SUSD4: variants seen among roughly 807,000 people sequenced by gnomAD.
SUSD4 encodes the protein sushi domain-containing protein 4.
SUSD4 carries 41 observed loss-of-function variants against 50.5 expected under a neutral mutation model. That is an observed-to-expected ratio of 0.81 (90% confidence interval 0.63 to 1.05). SUSD4 has a LOEUF of 1.05. Among genes scored for constraint, SUSD4 ranks in the 50% least tolerant of loss-of-function variants. The pLI is 0.00. For synonymous variants in SUSD4, 257 were observed against 257.3 expected, an observed-to-expected ratio of 1.00 and a Z score of 0.01; for missense variants, 580 against 634.7, an observed-to-expected ratio of 0.91 and a Z score of 0.93.
At chr1:223,224,697 C>A (rs1360721058) in intron 7 of SUSD4, among the ~76,000 whole-genome samples, 1 of 152,112 alleles carries the variant, frequency 6.6e-6, no homozygotes, top group Admixed American at 6.5e-5. Flanking sequence ...CAGTTCCTGG[C>A]CTGCTCCCTT....
intron 2 of SUSD4, among the ~76,000 whole-genome samples, chr1:223,301,657 T>TA (rs1485214029): frequency 6.6e-6 from 1 of 152,172 alleles, no homozygotes; most frequent in Non-Finnish European, 1.5e-5. Flanking sequence ...ACCCAACTGT[T>TA]AAAATATCTC....
chr1:223,264,090 C>T, intron 5 of SUSD4: 1 of 985,386 alleles, frequency 1.0e-6, no homozygotes, highest in Non-Finnish European at 1.2e-6. Flanking sequence ...CTGTCCTTCT[C>T]ACTACTTCAT....
intron 2 of SUSD4, 105 bp downstream of exon 2, chr1:223,363,173 G>T: frequency 1.5e-6 from 2 of 1,291,938 alleles, no homozygotes; most frequent in African/African-American, 1.5e-5. Context: ...AGATCCTCCT[G>T]AAGTCTGGGT....
At chr1:223,357,102 G>C (rs980461668) in intron 2 of SUSD4, among the ~76,000 whole-genome samples, 5 of 152,166 alleles carry the variant, frequency 3.3e-5, no homozygotes, top group African/African-American at 1.2e-4. Flanking sequence ...TAAGAGTCAA[G>C]CACAACCCAT....
chr1:223,351,199 G>A (rs752153364), intron 2 of SUSD4, among the ~76,000 whole-genome samples: 91 of 152,230 alleles, frequency 6.0e-4, no homozygotes, highest in Non-Finnish European at 1.1e-3. Flanking sequence ...AGTCCCCCCG[G>A]ATTGCCACAT....
chr1:223,328,027 CA>C (rs1330938335), intron 2 of SUSD4, among the ~76,000 whole-genome samples: 1 of 152,012 alleles, frequency 6.6e-6, no homozygotes, highest in Non-Finnish European at 1.5e-5. Flanking sequence ...CCTTTTCTTC[CA>C]TACTCAAGAG....
intron 2 of SUSD4, among the ~76,000 whole-genome samples, chr1:223,329,254 A>G (rs1667043451): frequency 6.6e-6 from 1 of 152,200 alleles, no homozygotes; most frequent in African/African-American, 2.4e-5. Context: ...TGTAGATAAA[A>G]TTTGGGATTA....
intron 2 of SUSD4, among the ~76,000 whole-genome samples, chr1:223,336,006 G>GT (rs1667434853): frequency 6.6e-6 from 1 of 150,762 alleles, no homozygotes; most frequent in Non-Finnish European, 1.5e-5. Flanking sequence ...ACAAAAAGTT[G>GT]TTTAAAAAAA....
chr1:223,339,343 G>C (rs753268327), intron 2 of SUSD4, among the ~76,000 whole-genome samples: 1 of 152,146 alleles, frequency 6.6e-6, no homozygotes, highest in Non-Finnish European at 1.5e-5. Flanking sequence ...ATTATCTCTA[G>C]GAGCTCAGCT....
At chr1:223,263,556 C>T in intron 5 of SUSD4, 1 of 985,352 alleles carries the variant, frequency 1.0e-6, no homozygotes, top group Non-Finnish European at 1.2e-6. Context: ...TTCTAATGAT[C>T]AGCCTAGGAG....
intron 5 of SUSD4, among the ~76,000 whole-genome samples, chr1:223,252,624 T>G (rs1034572295): frequency 1.3e-5 from 2 of 152,192 alleles, no homozygotes; most frequent in Non-Finnish European, 2.9e-5. Context: ...AATATACTTA[T>G]AGTATGAAAA....
chr1:223,269,377 G>C (rs1207668689), intron 3 of SUSD4, among the ~76,000 whole-genome samples: 2 of 152,206 alleles, frequency 1.3e-5, no homozygotes, highest in Non-Finnish European at 2.9e-5. Flanking sequence ...GAGAATGCCA[G>C]TGAAGGAACG....
chr1:223,281,609 C>A (rs1241789615), intron 3 of SUSD4, among the ~76,000 whole-genome samples: 1 of 152,246 alleles, frequency 6.6e-6, no homozygotes, highest in African/African-American at 2.4e-5. Flanking sequence ...GCCTACCAAC[C>A]AAAAAGAGTT....
At chr1:223,350,513 C>A (rs1398418469) in intron 2 of SUSD4, among the ~76,000 whole-genome samples, 1 of 152,202 alleles carries the variant, frequency 6.6e-6, no homozygotes, top group Non-Finnish European at 1.5e-5. Flanking sequence ...AGACATCAAT[C>A]CTCTCACGGT....
At chr1:223,273,432 A>C (rs1663049226) in intron 3 of SUSD4, among the ~76,000 whole-genome samples, 1 of 152,154 alleles carries the variant, frequency 6.6e-6, no homozygotes, top group African/African-American at 2.4e-5. Context: ...CTGAGAGGTA[A>C]CCTTTAGCCC....
At chr1:223,301,533 A>C (rs779637531) in intron 2 of SUSD4, among the ~76,000 whole-genome samples, 1 of 152,188 alleles carries the variant, frequency 6.6e-6, no homozygotes, top group African/African-American at 2.4e-5. Flanking sequence ...AACTTGAAGA[A>C]GTCCCTTCTT....
intron 6 of SUSD4, among the ~76,000 whole-genome samples, chr1:223,228,864 G>A (rs906559851): frequency 2.0e-5 from 3 of 151,690 alleles, no homozygotes; most frequent in Non-Finnish European, 2.9e-5. Flanking sequence ...GGATGCTAGG[G>A]GTCTAGGGAC....
At chr1:223,347,513 T>C (rs1408676621) in intron 2 of SUSD4, among the ~76,000 whole-genome samples, 2 of 152,132 alleles carry the variant, frequency 1.3e-5, no homozygotes, top group South Asian at 2.1e-4. Context: ...TATGTCATGA[T>C]TGTAGATGAC....
intron 2 of SUSD4, among the ~76,000 whole-genome samples, chr1:223,355,048 G>A (rs1914612): frequency 0.055 from 8,265 of 151,420 alleles, 290 homozygotes; most frequent in East Asian, 0.12. Flanking sequence ...CTTCTGCTGC[G>A]ACTACAGACA....
Sources: gnomAD v4.1 joint callset for allele counts (sites outside exome capture counted in the v4.1 genomes callset) on GRCh38, gnomAD v4.1.1 for gene constraint, MANE v1.5 for transcripts, NCBI Gene and HGNC (gene_info 2026-07-23, HGNC 2026-07-21) for gene names.